Variants in DMD observed in about 807,000 individuals in gnomAD.
DMD encodes dystrophin.
A neutral mutation model predicts 330.1 loss-of-function variants in DMD; 63 were observed. The ratio of observed to expected loss-of-function variants is 0.19; its 90% CI spans 0.16 to 0.24. The LOEUF (loss-of-function observed/expected upper bound fraction) is 0.24, where lower values mean the gene tolerates loss of function less well. DMD is among the 10% of genes least tolerant of loss of function. The pLI is 1.00. For missense variants in DMD, 3,344 were observed against 2,684.1 expected, an observed-to-expected ratio of 1.25 and a Z score of -5.43; for synonymous variants, 1,223 against 959.8, an observed-to-expected ratio of 1.27 and a Z score of -5.07.
At chrX:32,607,272 T>C (rs1224898156) in intron 12 of DMD, among the ~76,000 whole-genome samples, 1 of 110,708 alleles carries the variant, frequency 9.0e-6, no homozygotes, top group Non-Finnish European at 1.9e-5. Flanking sequence ...GTATTCACAT[T>C]ATCCTTGCAT....
intron 2 of DMD, among the ~76,000 whole-genome samples, chrX:32,886,172 A>G (rs775076536): frequency 2.7e-5 from 3 of 111,053 alleles, no homozygotes; most frequent in Non-Finnish European, 5.7e-5. Context: ...TTTTAAAAAC[A>G]TGCTAAGAAT....
rs763638549 is a variant in DMD, at chrX:33,052,124, G to C, written c.32-31924C>G. Among the ~76,000 whole-genome samples the C allele has an allele frequency of 9.0e-5, 10 of 111,646 alleles. No homozygotes were observed. The South Asian group carries it at 3.7e-3, about 41-fold the overall frequency. ...AATCTTAATAGAAATGATTTTTACA[G>C]CATTTCGAACACAAGAATTGTAGTT... On this transcript the variant is annotated intron_variant, in intron 1 of 78. Transcript: ENST00000357033.
At chrX:32,468,409 ATGCTTATG>A in intron 23 of DMD, 81 bp downstream of exon 23, 1 of 823,894 alleles carries the variant, frequency 1.2e-6, no homozygotes, top group Non-Finnish European at 1.8e-6. Context: ...TGAAGGTCAA[ATGCTTATG>A]TACCTTTACA....
chrX:32,107,559 G>A (rs754942653), intron 44 of DMD, among the ~76,000 whole-genome samples: 8 of 110,307 alleles, frequency 7.3e-5, no homozygotes, highest in Non-Finnish European at 1.3e-4. Flanking sequence ...TGTGGTTAAA[G>A]TCTGAAGGCA....
intron 43 of DMD, among the ~76,000 whole-genome samples, chrX:32,232,169 A>C (rs748309301): frequency 1.2e-4 from 13 of 112,037 alleles, no homozygotes; most frequent in Non-Finnish European, 2.1e-4. Flanking sequence ...AGTAAAGAAA[A>C]TAAGAACTAT....
At chrX:32,718,496 C>T (rs1490867580) in intron 7 of DMD, among the ~76,000 whole-genome samples, 2 of 111,716 alleles carry the variant, frequency 1.8e-5, no homozygotes, top group Non-Finnish European at 3.8e-5. Context: ...TTATAAATTA[C>T]CCAGTCACAG....
chrX:32,565,123 G>T (rs931973733), intron 16 of DMD, among the ~76,000 whole-genome samples: 2 of 111,329 alleles, frequency 1.8e-5, no homozygotes, highest in African/African-American at 6.5e-5. Flanking sequence ...AAATGTAGCT[G>T]AGATGTTTTC....
At chrX:32,625,770 T>A in intron 11 of DMD, among the ~76,000 whole-genome samples, 1 of 112,146 alleles carries the variant, frequency 8.9e-6, no homozygotes, top group Admixed American at 9.4e-5. Flanking sequence ...ATGGATAGAC[T>A]TTATAAAACC....
At chrX:31,539,122 T>A (rs769286318) in intron 55 of DMD, among the ~76,000 whole-genome samples, 2 of 111,906 alleles carry the variant, frequency 1.8e-5, no homozygotes, top group Non-Finnish European at 3.8e-5. Flanking sequence ...GTGCTAACTC[T>A]CATTAGTGAG....
rs147858633 is a variant in DMD at position 32,455,905 on chromosome X, T to C, written c.3433-1073A>G. Among the ~76,000 whole-genome samples, 383 of 111,234 alleles carry C rather than the reference T, an allele frequency of 3.4e-3. 3 individuals are homozygous for C. The highest frequency in any genetic ancestry group is 0.019 in the East Asian group (66 of 3,525). On this transcript the variant is annotated intron_variant, in intron 25 of 78. Coordinates refer to ENST00000357033, the MANE Select transcript of DMD (RefSeq NM_004006.3). ...CTAAAACTTTCTACAATGGACTCCA[T>C]TACTCATTAACCAGAAAAATGCAAA...
chrX:31,973,881 T>C (rs760721153), intron 44 of DMD, among the ~76,000 whole-genome samples: 6 of 111,563 alleles, frequency 5.4e-5, no homozygotes, highest in African/African-American at 1.9e-4. Context: ...ATCTCTAAAT[T>C]TGAACGGCAC....
chrX:32,059,009 C>T (rs1238848203), intron 44 of DMD, among the ~76,000 whole-genome samples: 3 of 111,105 alleles, frequency 2.7e-5, no homozygotes, highest in Admixed American at 9.6e-5. Flanking sequence ...AAATACTGCA[C>T]GCATCCACTT....
chrX:32,670,516 T>C (rs1227586081), intron 9 of DMD, among the ~76,000 whole-genome samples: 1 of 111,746 alleles, frequency 8.9e-6, no homozygotes, highest in Non-Finnish European at 1.9e-5. Flanking sequence ...GGAAGCTTGA[T>C]TGGTGGTAAA....
chrX:31,745,346 T>C (rs1356969634), intron 51 of DMD, among the ~76,000 whole-genome samples: 4 of 111,258 alleles, frequency 3.6e-5, no homozygotes, highest in Non-Finnish European at 5.7e-5. Context: ...CTCAGAACAC[T>C]AGATGCCCAA....
intron 12 of DMD, among the ~76,000 whole-genome samples, chrX:32,611,753 A>G (rs2057193443): frequency 8.9e-6 from 1 of 111,761 alleles, no homozygotes; most frequent in Admixed American, 9.5e-5. Context: ...CACTCCAGGC[A>G]TCCAGCAGCA....
intron 7 of DMD, among the ~76,000 whole-genome samples, chrX:32,787,850 A>G (rs2075522975): frequency 9.0e-6 from 1 of 110,871 alleles, no homozygotes; most frequent in South Asian, 3.8e-4. Flanking sequence ...AAATAACTGG[A>G]AAGATCAGTT....
At chrX:32,276,448 C>T (rs1164720143) in intron 43 of DMD, among the ~76,000 whole-genome samples, 2 of 112,109 alleles carry the variant, frequency 1.8e-5, no homozygotes, top group Admixed American at 1.9e-4. Context: ...AGCAGTGCAG[C>T]CCACAGTAAC....
intron 2 of DMD, 39 bp from the exon 3 acceptor site, chrX:32,849,859 A>G: frequency 1.1e-6 from 1 of 949,623 alleles, no homozygotes; most frequent in Non-Finnish European, 1.5e-6. Context: ...AACAAAGCAC[A>G]CTTCCAATGA....
chrX:32,684,000 CACACACACACACATACAT>C (rs1238357964), intron 9 of DMD, among the ~76,000 whole-genome samples: 253 of 82,099 alleles, frequency 3.1e-3, no homozygotes, highest in African/African-American at 0.017. Context: ...ATACAAAACA[CACACACACACACATACAT>C]ACACACACAC....
Sources: allele counts gnomAD v4.1 joint callset (sites outside exome capture counted in the v4.1 genomes callset), GRCh38; gene constraint gnomAD v4.1.1; transcripts MANE v1.5; gene names NCBI Gene and HGNC (gene_info 2026-07-23, HGNC 2026-07-21).